The following MAOA variants were observed in gnomAD, a reference collection of about 807,000 sequenced individuals.
MAOA encodes the protein amine oxidase [flavin-containing] A.
A neutral mutation model predicts 42.0 loss-of-function variants in MAOA; 6 were observed. The observed-to-expected ratio is 0.14, with a 90% confidence interval of 0.08 to 0.28. The LOEUF (loss-of-function observed/expected upper bound fraction) is 0.28. Ranked by LOEUF, MAOA falls within the 10% of genes least tolerant of loss-of-function variation. MAOA has a pLI of 1.00. For missense variants in MAOA, 262 were observed against 422.3 expected (o/e 0.62, Z 3.33); for synonymous variants, 140 against 154.0 (o/e 0.91, Z 0.67).
intron 6 of MAOA, among the ~76,000 whole-genome samples, chrX:43,729,302 T>C (rs993110404): frequency 4.4e-5 from 5 of 112,433 alleles, no homozygotes; most frequent in African/African-American, 1.6e-4. Flanking sequence ...GGTATTTTGA[T>C]TTACATTTGA....
intron 2 of MAOA, among the ~76,000 whole-genome samples, chrX:43,692,850 T>C (rs1253549672): frequency 8.9e-6 from 1 of 112,100 alleles, no homozygotes; most frequent in Non-Finnish European, 1.9e-5. Flanking sequence ...CATTCTTTCC[T>C]GGAAGTGTTT....
At chrX:43,731,147 G>A (rs1419492460) in intron 6 of MAOA, 94 bp from the exon 7 acceptor site, 4 of 899,302 alleles carry the variant, frequency 4.4e-6, no homozygotes, top group Admixed American at 4.5e-5. Context: ...GGTGTGGCCT[G>A]TGACTTTCTG....
At chrX:43,692,667 G>T (rs2033546459) in intron 2 of MAOA, among the ~76,000 whole-genome samples, 1 of 109,207 alleles carries the variant, frequency 9.2e-6, no homozygotes, top group Non-Finnish European at 1.9e-5. Flanking sequence ...TTCAATTATT[G>T]ATTAAATCAT....
chrX:43,707,443 T>C (rs2033666581), intron 3 of MAOA, among the ~76,000 whole-genome samples: 1 of 111,691 alleles, frequency 9.0e-6, no homozygotes, highest in Non-Finnish European at 1.9e-5. Context: ...GTGGGACTGT[T>C]AAAAGAATGC....
At chrX:43,662,027 C>G (rs1371826589) in intron 1 of MAOA, among the ~76,000 whole-genome samples, 1 of 111,738 alleles carries the variant, frequency 8.9e-6, no homozygotes, top group Non-Finnish European at 1.9e-5. Context: ...CAACATACCA[C>G]AATTTCCCTT....
chrX:43,662,532 C>G (rs974230950), intron 1 of MAOA, among the ~76,000 whole-genome samples: 1 of 111,286 alleles, frequency 9.0e-6, no homozygotes, highest in Admixed American at 9.6e-5. Context: ...TAATTGCATA[C>G]ATTACAGAGA....
chrX:43,690,958 T>C (rs1251656120), intron 2 of MAOA, among the ~76,000 whole-genome samples: 1 of 111,152 alleles, frequency 9.0e-6, no homozygotes, highest in Non-Finnish European at 1.9e-5. Flanking sequence ...AGGGAATAAA[T>C]CAATGATGTA....
chrX:43,666,758 C>G (rs1242702650), intron 1 of MAOA, among the ~76,000 whole-genome samples: 1 of 111,210 alleles, frequency 9.0e-6, no homozygotes, highest in African/African-American at 3.3e-5. Context: ...CACTCTGTCA[C>G]TTAGTCTCTT....
chrX:43,717,951 T>C (rs919211717), intron 5 of MAOA, among the ~76,000 whole-genome samples: 2 of 109,881 alleles, frequency 1.8e-5, no homozygotes, highest in African/African-American at 6.6e-5. Context: ...GGGTATAGTA[T>C]CTTTCAGGAG....
intron 2 of MAOA, among the ~76,000 whole-genome samples, chrX:43,686,817 A>G (rs745952991): frequency 1.9e-4 from 21 of 111,684 alleles, no homozygotes; most frequent in African/African-American, 5.2e-4. Flanking sequence ...TAAAAATTTT[A>G]AAAAAGGAAA....
chrX:43,741,760 A>G (rs1312824731), intron 11 of MAOA, among the ~76,000 whole-genome samples, 190 bp from the exon 12 acceptor site: 1 of 112,363 alleles, frequency 8.9e-6, no homozygotes, highest in African/African-American at 3.2e-5. Flanking sequence ...CAAAGTATAC[A>G]TGTTTTGCCA....
At chrX:43,720,014 G>T (rs1464020243) in intron 5 of MAOA, among the ~76,000 whole-genome samples, 2 of 110,508 alleles carry the variant, frequency 1.8e-5, no homozygotes, top group Non-Finnish European at 3.8e-5. Flanking sequence ...CTGTGTAGGG[G>T]TATAGTATCT....
intron 3 of MAOA, among the ~76,000 whole-genome samples, chrX:43,702,731 C>T (rs758380453): frequency 5.3e-5 from 6 of 112,288 alleles, no homozygotes; most frequent in South Asian, 3.7e-4. Flanking sequence ...ATTCTATTAC[C>T]TTTCATTCCC....
chrX:43,674,013 G>A (rs1219911261), intron 1 of MAOA, among the ~76,000 whole-genome samples: 84 of 100,040 alleles, frequency 8.4e-4, no homozygotes, highest in South Asian at 1.8e-3. Flanking sequence ...TTAACTTTCT[G>A]TCTTGTTGAT....
At chrX:43,722,823 A>T (rs1232381293) in intron 5 of MAOA, among the ~76,000 whole-genome samples, 1 of 111,476 alleles carries the variant, frequency 9.0e-6, no homozygotes, top group African/African-American at 3.3e-5. Context: ...GTTTTAAGTT[A>T]TACGTTTAAA....
At position 43,673,056 on chromosome X, in the gene MAOA, A is replaced by C. The variant is rs769767524; in HGVS notation, c.74-10457A>C. Among the ~76,000 whole-genome samples, 7 of 110,284 alleles carry C rather than the reference A, an allele frequency of 6.3e-5. No homozygotes were observed. In the East Asian group the frequency reaches 2.0e-3, roughly 32 times the overall value. ...TACCTCTGGTAGAATTTGGCTGTGA[A>C]TCCATCTGGTCCTGGACTCTTTTTG... On this transcript the variant is annotated intron_variant, in intron 1 of 14. Coordinates refer to ENST00000338702, the MANE Select transcript of MAOA (RefSeq NM_000240.4).
In MAOA at chrX:43,731,705, A is replaced by G. The variant is rs1251997167; in HGVS notation, c.807A>G (p.Val269=). ...TGTGTGTGTTTTAGTGCAAATACGTAATTAATGCGATCCCTCCGACCTTGA... is the reference window on the plus strand; with the variant it reads ...TGTGTGTGTTTTAGTGCAAATACGTGATTAATGCGATCCCTCCGACCTTGA... ...LNHEHYECKY[V]INAIPPTLTA... The change falls in exon 8 of 15, where the codon GTA becomes GTG. Residue 269 remains valine (V), a synonymous_variant. Transcript: ENST00000338702. 4.1e-6 allele frequency: 5 copies of G among 1,209,249 alleles called. No homozygotes were observed. In the African/African-American group the frequency reaches 8.8e-5, roughly 21 times the overall value.
chrX:43,657,272 T>TG (rs2033190872), intron 1 of MAOA, among the ~76,000 whole-genome samples: 1 of 58,452 alleles, frequency 1.7e-5, no homozygotes. Flanking sequence ...ATGAACTGTG[T>TG]TTATATATAT....
At chrX:43,712,657 A>G (rs1352566079) in intron 4 of MAOA, 48 bp from the exon 5 acceptor site, 1 of 837,131 alleles carries the variant, frequency 1.2e-6, no homozygotes, top group Non-Finnish European at 1.8e-6. Flanking sequence ...TCCCGAGAAG[A>G]GGTGGCAGTT....
Sources: gnomAD v4.1 joint callset for allele counts (sites outside exome capture counted in the v4.1 genomes callset) on GRCh38, gnomAD v4.1.1 for gene constraint, MANE v1.5 for transcripts, NCBI Gene and HGNC (gene_info 2026-07-23, HGNC 2026-07-21) for gene names.